The following THADA variants were observed in gnomAD, a reference collection of about 807,000 sequenced individuals.
The protein encoded by THADA is THADA armadillo repeat containing.
THADA carries 213 observed loss-of-function variants against 219.8 expected under a neutral mutation model. That is an observed-to-expected ratio of 0.97 (90% CI 0.87 to 1.09). THADA has a LOEUF of 1.09. Among genes scored for constraint, THADA ranks in the 50% least tolerant of loss-of-function variants. THADA has a pLI of 0.00. For missense variants in THADA, 2,956 were observed against 2,311.3 expected, an observed-to-expected ratio of 1.28 and a Z score of -5.72; for synonymous variants, 1,018 against 828.9, an observed-to-expected ratio of 1.23 and a Z score of -3.92.
Position 43,376,263 on chromosome 2 carries a change from T to A in THADA, c.4227+21708A>T, listed in dbSNP as rs571254265. On this transcript the variant is annotated intron_variant, in intron 29 of 37. Coordinates refer to ENST00000405975, the MANE Select transcript of THADA (RefSeq NM_022065.5). ...TGCACTCCTGAAGTAATACCCTCTTTATGATTATTTGTTTTCTACAAACAC... is the reference window on the plus strand; with the variant it reads ...TGCACTCCTGAAGTAATACCCTCTTAATGATTATTTGTTTTCTACAAACAC... 5.3e-5 allele frequency among the ~76,000 whole-genome samples: 8 copies of A among 152,328 alleles called. No homozygotes were observed. In the South Asian group the frequency reaches 6.2e-4, roughly 12 times the overall value.
intron 26 of THADA, among the ~76,000 whole-genome samples, chr2:43,459,211 G>A (rs762818063): frequency 1.1e-4 from 16 of 152,256 alleles, no homozygotes; most frequent in African/African-American, 3.4e-4. Context: ...TGTACCCTGT[G>A]CATTTTCATC....
intron 28 of THADA, among the ~76,000 whole-genome samples, chr2:43,418,247 A>AG (rs1677254217): frequency 6.6e-6 from 1 of 152,228 alleles, no homozygotes; most frequent in Admixed American, 6.5e-5. Flanking sequence ...TCACCTCCAA[A>AG]GAAAGGAACA....
chr2:43,498,756 C>T, intron 25 of THADA, 77 bp downstream of exon 25: 2 of 1,392,750 alleles, frequency 1.4e-6, no homozygotes, highest in Non-Finnish European at 1.9e-6. Context: ...TTTTTATCAC[C>T]CAGTGAAAGA....
chr2:43,436,668 G>T (rs138714224), intron 26 of THADA, among the ~76,000 whole-genome samples: 1 of 152,222 alleles, frequency 6.6e-6, no homozygotes, highest in African/African-American at 2.4e-5. Flanking sequence ...CTGTACTTAA[G>T]CAATCCTTCC....
intron 29 of THADA, among the ~76,000 whole-genome samples, chr2:43,344,959 C>T (rs1667479035): frequency 6.6e-6 from 1 of 152,202 alleles, no homozygotes; most frequent in Non-Finnish European, 1.5e-5. Context: ...AGGACAAGGG[C>T]ATAAATGAGA....
At chr2:43,336,811 A>G (rs1666494202) in intron 30 of THADA, among the ~76,000 whole-genome samples, 1 of 152,230 alleles carries the variant, frequency 6.6e-6, no homozygotes, top group South Asian at 2.1e-4. Flanking sequence ...ATAAATGCCA[A>G]TAGCAAGGGA....
intron 26 of THADA, among the ~76,000 whole-genome samples, chr2:43,436,749 T>C (rs917635669): frequency 1.3e-5 from 2 of 152,254 alleles, no homozygotes; most frequent in Non-Finnish European, 2.9e-5. Context: ...GATTGTTCAA[T>C]GGAGGCACTA....
intron 36 of THADA, among the ~76,000 whole-genome samples, chr2:43,249,807 C>A (rs1372192126): frequency 6.6e-6 from 1 of 152,154 alleles, no homozygotes; most frequent in Non-Finnish European, 1.5e-5. Context: ...CCCATCCAAG[C>A]TGTCTTTCTT....
At chr2:43,462,268 C>A (rs1683725195) in intron 26 of THADA, among the ~76,000 whole-genome samples, 1 of 152,156 alleles carries the variant, frequency 6.6e-6, no homozygotes. Context: ...TCCACAGAAA[C>A]TCTAAGATTC....
chr2:43,514,299 A>C (rs890178091), intron 22 of THADA, among the ~76,000 whole-genome samples: 3 of 143,390 alleles, frequency 2.1e-5, no homozygotes, highest in African/African-American at 7.7e-5. Flanking sequence ...AAAAATACAA[A>C]AATTAGCTGG....
intron 31 of THADA, among the ~76,000 whole-genome samples, chr2:43,298,967 C>T (rs1278346607): frequency 6.6e-6 from 1 of 152,094 alleles, no homozygotes; most frequent in East Asian, 1.9e-4. Context: ...GCTCTAAGAT[C>T]GGAAACTTTT....
At chr2:43,281,654 T>A (rs1425101133) in intron 35 of THADA, among the ~76,000 whole-genome samples, 1 of 152,076 alleles carries the variant, frequency 6.6e-6, no homozygotes, top group Non-Finnish European at 1.5e-5. Context: ...TTGGTCAGGC[T>A]CAAACTCCTG....
chr2:43,523,680 C>G (rs143453576), intron 22 of THADA, among the ~76,000 whole-genome samples: 1 of 152,244 alleles, frequency 6.6e-6, no homozygotes, highest in East Asian at 1.9e-4. Flanking sequence ...TGAGTCAGTA[C>G]TAGTATTTAA....
rs1239667862 is a variant in THADA at position 43,320,553 on chromosome 2, A to G, written c.4344-13T>C. 4 of 1,593,894 alleles carry G rather than the reference A, an allele frequency of 2.5e-6. No homozygotes were observed. The highest frequency in any genetic ancestry group is 4.5e-5 in the East Asian group (2 of 44,748). The stretch of plus-strand genomic sequence containing the variant: ...ACATGGATTTTGCCTAGAAAGGTAA[A>G]GAACAGAATATAAATTGAGATTTTC... On this transcript the variant is annotated splice_polypyrimidine_tract_variant and intron_variant, in intron 30 of 37. Coordinates refer to ENST00000405975, the MANE Select transcript of THADA (RefSeq NM_022065.5).
chr2:43,444,610 G>A (rs1443226575), intron 26 of THADA, among the ~76,000 whole-genome samples: 3 of 152,046 alleles, frequency 2.0e-5, no homozygotes, highest in Admixed American at 2.0e-4. Context: ...CTGTCTTCAA[G>A]ATCTGCCACA....
chr2:43,266,311 G>A (rs1671511104), intron 36 of THADA, among the ~76,000 whole-genome samples: 2 of 152,220 alleles, frequency 1.3e-5, no homozygotes, highest in Non-Finnish European at 2.9e-5. Flanking sequence ...CATGCTCCGG[G>A]CTGGGCATGG....
intron 26 of THADA, among the ~76,000 whole-genome samples, chr2:43,482,176 CT>C (rs1686307400): frequency 6.6e-6 from 1 of 152,276 alleles, no homozygotes; most frequent in Non-Finnish European, 1.5e-5. Flanking sequence ...AGGAAAAGAG[CT>C]TTAAAAGTTA....
At position 43,450,409 on chromosome 2, in the gene THADA, T is replaced by G. The variant is rs551876420; in HGVS notation, c.3837-20107A>C. ...GCAGAGTTTTTGTATACTACTGAAG[T>G]TAAGGTGGTATAAATTCAAATTAGA... On this transcript the variant is annotated intron_variant, in intron 26 of 37. Coordinates refer to ENST00000405975, the MANE Select transcript of THADA (RefSeq NM_022065.5). Among the ~76,000 whole-genome samples the G allele has an allele frequency of 2.0e-5, 3 of 152,248 alleles. 1 individual carries two copies. In the South Asian group the frequency reaches 6.2e-4, roughly 32 times the overall value.
At chr2:43,591,721 C>A (rs1221448392) in intron 3 of THADA, among the ~76,000 whole-genome samples, 1 of 152,100 alleles carries the variant, frequency 6.6e-6, no homozygotes, top group Non-Finnish European at 1.5e-5. Context: ...TGCACATTAT[C>A]TTCTACCTTA....
Sources: gnomAD v4.1 joint callset for allele counts (sites outside exome capture counted in the v4.1 genomes callset) on GRCh38, gnomAD v4.1.1 for gene constraint, MANE v1.5 for transcripts, NCBI Gene and HGNC (gene_info 2026-07-23, HGNC 2026-07-21) for gene names.